The following FRS2 variants were observed in gnomAD, a reference collection of about 807,000 sequenced individuals.
FRS2 encodes the protein FGFR signalling adaptor.
A neutral mutation model predicts 43.9 loss-of-function variants in FRS2; 8 were observed. The observed-to-expected ratio is 0.18, with a 90% confidence interval of 0.11 to 0.33. The LOEUF (loss-of-function observed/expected upper bound fraction) is 0.33. FRS2 is among the 10% of genes least tolerant of loss of function. The pLI is 1.00. For synonymous variants in FRS2, 219 were observed against 220.3 expected, an observed-to-expected ratio of 0.99 and a Z score of 0.05; for missense variants, 534 against 627.6, an observed-to-expected ratio of 0.85 and a Z score of 1.59.
intron 1 of FRS2, among the ~76,000 whole-genome samples, chr12:69,510,497 T>A (rs1874356216): frequency 6.6e-6 from 1 of 152,220 alleles, no homozygotes; most frequent in South Asian, 2.1e-4. Context: ...ATTTACTAAA[T>A]AAATAATCCA....
At position 69,508,557 on chromosome 12, in the gene FRS2, ATCT is replaced by A. The variant is rs541189980; in HGVS notation, c.-260-22304_-260-22302del. ...GACAATTTTAGATCTTTTAAACAAA[ATCT>A]TCTGGTTACCTTTCTAAATTAAATT... On this transcript the variant is annotated intron_variant, in intron 1 of 8. Coordinates refer to ENST00000549921, the MANE Select transcript of FRS2 (RefSeq NM_001278356.2). 2.2e-3 allele frequency among the ~76,000 whole-genome samples: 331 copies of A among 152,328 alleles called. 1 individual carries two copies. The highest frequency in any genetic ancestry group is 2.5e-3 in the Non-Finnish European group (172 of 68,028).
In FRS2 at chr12:69,574,062, G is replaced by A. The variant is rs766371787; in HGVS notation, c.634G>A (p.Val212Met). 6.2e-7 allele frequency: 1 copy of A among 1,614,200 alleles called. No individual in the cohort carries two copies. The highest frequency in any genetic ancestry group is 8.5e-7 in the Non-Finnish European group (1 of 1,180,042). Residue 212 changes from valine (V) to methionine (M), a missense_variant, in exon 9 of 9, where the codon GTG becomes ATG. This residue lies in a region of FRS2 where 446 missense variants were observed against 494.2 expected (regional missense o/e 0.90). Coordinates refer to ENST00000549921, the MANE Select transcript of FRS2 (RefSeq NM_001278356.2). ...AGAAGAGCGGAAAAACCGCACAAGT[G>A]TGCATGTTCCATTGGAGGCGAGGGT... is the stretch of plus-strand genomic sequence containing the variant. ...VQEERKNRTS[V>M]HVPLEARVSN... is the part of the protein sequence containing the mutation.
chr12:69,553,688 A>G (rs1409815296), intron 3 of FRS2, among the ~76,000 whole-genome samples: 1 of 152,080 alleles, frequency 6.6e-6, no homozygotes, highest in Non-Finnish European at 1.5e-5. Context: ...AGATAATTCT[A>G]CCCATGTTGC....
At chr12:69,493,422 G>C (rs757456421) in intron 1 of FRS2, among the ~76,000 whole-genome samples, 1 of 152,162 alleles carries the variant, frequency 6.6e-6, no homozygotes, top group Non-Finnish European at 1.5e-5. Context: ...GCCGTCATCT[G>C]AATTAAGAAA....
chr12:69,470,741 A>G (rs1467130611), intron 1 of FRS2, among the ~76,000 whole-genome samples: 3 of 144,956 alleles, frequency 2.1e-5, no homozygotes, highest in African/African-American at 7.5e-5. Flanking sequence ...GGAGCCAGGG[A>G]GGGGGTTCCC....
chr12:69,525,749 T>C (rs1477188581), intron 1 of FRS2, among the ~76,000 whole-genome samples: 1 of 152,018 alleles, frequency 6.6e-6, no homozygotes, highest in Non-Finnish European at 1.5e-5. Flanking sequence ...CCAAGTGGTA[T>C]GTGTTTTTTT....
intron 4 of FRS2, 126 bp from the exon 5 acceptor site, chr12:69,568,879 T>C (rs1880514671): frequency 2.0e-6 from 1 of 489,420 alleles, no homozygotes; most frequent in Non-Finnish European, 3.6e-6. Context: ...TGCAGCCATA[T>C]ACCTTGTTGG....
chr12:69,556,233 A>G (rs1479448558), intron 3 of FRS2, among the ~76,000 whole-genome samples: 1 of 152,126 alleles, frequency 6.6e-6, no homozygotes, highest in Non-Finnish European at 1.5e-5. Context: ...GTCTAGTAAC[A>G]TCATATCCAA....
intron 3 of FRS2, chr12:69,557,911 G>C (rs1384135326): frequency 6.6e-6 from 1 of 151,706 alleles, no homozygotes. Flanking sequence ...TTTTTAAAAA[G>C]CTAGTTTTTT....
chr12:69,522,998 C>G (rs1238999932), intron 1 of FRS2, among the ~76,000 whole-genome samples: 1 of 152,134 alleles, frequency 6.6e-6, no homozygotes, highest in African/African-American at 2.4e-5. Context: ...TGTTTATATT[C>G]AATTGTGTAG....
chr12:69,518,894 A>G (rs776438), intron 1 of FRS2, among the ~76,000 whole-genome samples: 57,040 of 150,934 alleles, frequency 0.38, 11,198 homozygotes, highest in South Asian at 0.58. Flanking sequence ...CATGCCTGTA[A>G]TCCCAGCTAC....
chr12:69,489,670 A>AC (rs1420451527), intron 1 of FRS2, among the ~76,000 whole-genome samples: 1 of 135,668 alleles, frequency 7.4e-6, no homozygotes. Context: ...CTCCATCTCA[A>AC]AAAAAAAAAA....
chr12:69,553,592 AG>A (rs747444669), intron 3 of FRS2, among the ~76,000 whole-genome samples: 1 of 152,056 alleles, frequency 6.6e-6, no homozygotes. Context: ...TGAAAGTATC[AG>A]GAAAAAAAAA....
chr12:69,486,939 A>G (rs1389495952), intron 1 of FRS2, among the ~76,000 whole-genome samples: 1 of 152,250 alleles, frequency 6.6e-6, no homozygotes, highest in Non-Finnish European at 1.5e-5. Flanking sequence ...GTTTAAGGAA[A>G]GAGGCCATCT....
chr12:69,549,957 C>T (rs937276068), intron 3 of FRS2, among the ~76,000 whole-genome samples: 1 of 152,088 alleles, frequency 6.6e-6, no homozygotes, highest in South Asian at 2.1e-4. Context: ...TTCTGAGCTG[C>T]TGTAGGTCTT....
chr12:69,493,302 C>T (rs1249674740), intron 1 of FRS2, among the ~76,000 whole-genome samples: 2 of 152,310 alleles, frequency 1.3e-5, no homozygotes, highest in East Asian at 1.9e-4. Context: ...CTTATTCTGT[C>T]TCAGACGATT....
chr12:69,579,454 G>T lies in FRS2; in HGVS notation c.*4499G>T, dbSNP rs1241212094. 1 of 152,600 alleles carries T rather than the reference G, an allele frequency of 6.6e-6. No homozygotes were observed. Among genetic ancestry groups the T allele is most frequent in the African/African-American group, 2.4e-5 (1 of 41,436 alleles). 9.5% of individuals were successfully genotyped at this position (152,600 alleles called of 1,614,324 possible). ...GAGTACTTAGAATAAGCTAGTAATT[G>T]AATTTAGTTCAAGGGCTAAGCAACA... On this transcript the variant is annotated 3_prime_UTR_variant, in exon 9 of 9. Coordinates refer to ENST00000549921, the MANE Select transcript of FRS2 (RefSeq NM_001278356.2).
intron 1 of FRS2, among the ~76,000 whole-genome samples, chr12:69,510,832 G>A (rs1320330601): frequency 6.6e-6 from 1 of 151,934 alleles, no homozygotes; most frequent in Non-Finnish European, 1.5e-5. Flanking sequence ...CATCTTTATG[G>A]GATACCTGCT....
chr12:69,518,587 G>A (rs548274008), intron 1 of FRS2, among the ~76,000 whole-genome samples: 119 of 152,186 alleles, frequency 7.8e-4, no homozygotes, highest in Non-Finnish European at 1.6e-3. Context: ...GGTGGCACAT[G>A]CCTGTAGTCC....
Sources: gnomAD v4.1 joint callset for allele counts (sites outside exome capture counted in the v4.1 genomes callset) on GRCh38, gnomAD v4.1.1 for gene constraint, gnomAD v4.1.1 regional missense constraint, MANE v1.5 for transcripts, NCBI Gene and HGNC (gene_info 2026-07-23, HGNC 2026-07-21) for gene names.